WAPL: variants seen among roughly 807,000 people sequenced by gnomAD.
WAPL encodes the protein WAPL cohesin release factor.
WAPL carries 5 observed loss-of-function variants against 121.0 expected under a neutral mutation model. That is an observed-to-expected ratio of 0.04 (90% CI 0.02 to 0.09). The LOEUF is 0.09. WAPL is among the 10% of genes least tolerant of loss of function. The pLI is 1.00. For missense variants in WAPL, 999 were observed against 1,410.8 expected (o/e 0.71, Z 4.68); for synonymous variants, 480 against 481.5 (o/e 1.00, Z 0.04).
rs1841553797 is a variant in WAPL at position 86,472,423 on chromosome 10, T to C, written c.1894-79A>G. 3 of 1,538,902 alleles carry C rather than the reference T, an allele frequency of 1.9e-6. No homozygotes were observed. The Admixed American group carries it at 7.1e-5, about 36-fold the overall frequency. On this transcript the variant is annotated intron_variant, in intron 6 of 18. Coordinates refer to ENST00000298767, the MANE Select transcript of WAPL (RefSeq NM_015045.5). This position sits in a 1 kb window ranked among gnomAD's most constrained non-coding sequence, Gnocchi z 4.2. ...ATCTATGGGCTCACTGTACTTTACA[T>C]AAGTGCATAAAATAGTTCATTAGAT...
At chr10:86,484,643 A>C (rs1458033268) in intron 4 of WAPL, among the ~76,000 whole-genome samples, 3 of 152,140 alleles carry the variant, frequency 2.0e-5, no homozygotes, top group Non-Finnish European at 1.5e-5. Context: ...TCACTCACTG[A>C]CTCCCAAAGA....
rs1248415472 is a variant in WAPL at position 86,497,317 on chromosome 10, T to G, written c.1528A>C (p.Asn510His). The G allele has an allele frequency of 6.2e-7, 1 of 1,604,548 alleles. No individual in the cohort carries two copies. Among genetic ancestry groups the G allele is most frequent in the South Asian group, 1.1e-5 (1 of 88,606 alleles). ...DSQSGTNNAE[N>H]LDFTEDLPGV... The stretch of plus-strand genomic sequence containing the variant: ...GGCAAGTCCTCTGTAAAATCCAAGT[T>G]TTCTGAAATGGTAATCAAAACTATC... Residue 510 changes from asparagine (N) to histidine (H), a missense_variant and splice_region_variant, in exon 4 of 19, where the codon AAC becomes CAC. Around this residue, in one of 7 missense-constraint regions of WAPL, gnomAD observed 531 missense variants for 563.1 expected, o/e 0.94. Coordinates refer to ENST00000298767, the MANE Select transcript of WAPL (RefSeq NM_015045.5).
In WAPL at chr10:86,504,572, G is replaced by C. The variant is rs1267085063; in HGVS notation, c.500-3829C>G. 2.0e-5 allele frequency among the ~76,000 whole-genome samples: 3 copies of C among 150,272 alleles called. No individual in the cohort carries two copies. The East Asian group carries it at 6.1e-4, about 30-fold the overall frequency. ...CACACCTGTAGTCCAAGCTACTTGG[G>C]AGGCTGAGGCAGAAGAATCGCTTGA... On this transcript the variant is annotated intron_variant, in intron 2 of 18. Coordinates refer to ENST00000298767, the MANE Select transcript of WAPL (RefSeq NM_015045.5).
chr10:86,467,591 T>C (rs1184916311), intron 8 of WAPL, 85 bp from the exon 9 acceptor site: 5 of 1,036,976 alleles, frequency 4.8e-6, no homozygotes, highest in South Asian at 1.7e-5. Flanking sequence ...TTAATGACTT[T>C]TGTTTACAAG....
intron 4 of WAPL, among the ~76,000 whole-genome samples, chr10:86,480,895 C>A (rs1841767629): frequency 6.6e-6 from 1 of 152,200 alleles, no homozygotes; most frequent in Non-Finnish European, 1.5e-5. Context: ...TACCACCACA[C>A]AAGGGAAACT....
intron 13 of WAPL, among the ~76,000 whole-genome samples, 160 bp downstream of exon 13, chr10:86,453,496 A>G (rs1433624389): frequency 6.6e-6 from 1 of 152,234 alleles, no homozygotes; most frequent in African/African-American, 2.4e-5. Flanking sequence ...GCTTCTAAAA[A>G]TATCAACTCT....
chr10:86,504,976 A>T (rs1842316607), intron 2 of WAPL, among the ~76,000 whole-genome samples: 1 of 151,522 alleles, frequency 6.6e-6, no homozygotes, highest in Non-Finnish European at 1.5e-5. Context: ...TTTCCAATAA[A>T]TTTTATCTTT....
At chr10:86,491,072 AATAAATAAATACATAC>A (rs1038307999) in intron 4 of WAPL, among the ~76,000 whole-genome samples, 6 of 151,496 alleles carry the variant, frequency 4.0e-5, no homozygotes, top group African/African-American at 9.7e-5. Flanking sequence ...TAAATAAATA[AATAAATAAATACATAC>A]ATAAATAAAT....
intron 12 of WAPL, among the ~76,000 whole-genome samples, chr10:86,455,672 T>A (rs1216041643): frequency 1.4e-4 from 6 of 42,056 alleles, no homozygotes; most frequent in South Asian, 6.5e-4. Flanking sequence ...CCAAGAATGA[T>A]CAATAAATAC....
intron 2 of WAPL, among the ~76,000 whole-genome samples, chr10:86,501,874 AACAG>A (rs1842253815): frequency 6.6e-6 from 1 of 152,078 alleles, no homozygotes; most frequent in Admixed American, 6.5e-5. Flanking sequence ...CTTTTTATTT[AACAG>A]ACAGGGTCAC....
At position 86,500,570 on chromosome 10, in the gene WAPL, T is replaced by C. The variant is rs768685229; in HGVS notation, c.673A>G (p.Ile225Val). Reference sequence around the variant, plus strand: ...CTAACAGATCCCTTGATTGGAGATATTTCTGATGGTGATTCTGGCCTTTTC... The same window carrying C: ...CTAACAGATCCCTTGATTGGAGATACTTCTGATGGTGATTCTGGCCTTTTC... ...FGKRPESPSE[I>V]SPIKGSVRTG... is the part of the protein sequence containing the mutation. Residue 225 changes from isoleucine to valine, a missense_variant, in exon 3 of 19, where the codon ATA (isoleucine) becomes GTA (valine). Physicochemically the swap from Ile to Val is conservative, Grantham distance 29. Coordinates refer to ENST00000298767, the MANE Select transcript of WAPL (RefSeq NM_015045.5). 15 of 1,614,092 alleles carry C rather than the reference T, an allele frequency of 9.3e-6. No homozygotes were observed. The highest frequency in any genetic ancestry group is 1.1e-5 in the Non-Finnish European group (13 of 1,180,004).
chr10:86,462,203 A>G (rs1370948954), intron 9 of WAPL, among the ~76,000 whole-genome samples: 4 of 152,246 alleles, frequency 2.6e-5, no homozygotes, highest in Non-Finnish European at 5.9e-5. Context: ...CAGCATAACA[A>G]AAGAAATGCT....
chr10:86,481,557 G>A (rs1294112861), intron 4 of WAPL, among the ~76,000 whole-genome samples: 1 of 152,004 alleles, frequency 6.6e-6, no homozygotes, highest in African/African-American at 2.4e-5. Flanking sequence ...ATTTTTAGTA[G>A]AGACGGGGTT....
chr10:86,456,503 C>T (rs950905501), intron 12 of WAPL, among the ~76,000 whole-genome samples: 6 of 151,890 alleles, frequency 4.0e-5, no homozygotes, highest in African/African-American at 1.4e-4. Flanking sequence ...TTTAAATCAC[C>T]AAGTCCACGA....
chr10:86,467,913 C>A (rs924960539), intron 8 of WAPL, among the ~76,000 whole-genome samples: 1 of 151,744 alleles, frequency 6.6e-6, no homozygotes, highest in Non-Finnish European at 1.5e-5. Context: ...CTCCTGACTT[C>A]GTGATCCGCC....
At chr10:86,479,239 T>C (rs1366310008) in intron 4 of WAPL, among the ~76,000 whole-genome samples, 1 of 152,076 alleles carries the variant, frequency 6.6e-6, no homozygotes, top group African/African-American at 2.4e-5. Flanking sequence ...AAAAAAGGAA[T>C]GGGTTTCTTT....
chr10:86,488,560 G>A (rs917234468), intron 4 of WAPL: 1 of 152,242 alleles, frequency 6.6e-6, no homozygotes, highest in South Asian at 2.1e-4. Flanking sequence ...AAAATAGAAT[G>A]TAAGTAAGAA....
intron 12 of WAPL, among the ~76,000 whole-genome samples, chr10:86,454,985 A>AGC (rs1458429543): frequency 1.4e-5 from 2 of 146,874 alleles, no homozygotes; most frequent in Non-Finnish European, 3.0e-5. Context: ...GGAAGTGAGG[A>AGC]GCGTCTCCGC....
intron 2 of WAPL, among the ~76,000 whole-genome samples, chr10:86,515,864 CTTTTTTTTTT>C (rs377683656): frequency 4.0e-5 from 4 of 101,148 alleles, no homozygotes; most frequent in African/African-American, 1.2e-4. Flanking sequence ...CTGTCTATGC[CTTTTTTTTTT>C]TTTTTTTTTG....
Sources: gnomAD v4.1 joint callset for allele counts (sites outside exome capture counted in the v4.1 genomes callset) on GRCh38, gnomAD v4.1.1 for gene constraint, gnomAD v4.1.1 regional missense constraint, Gnocchi (gnomAD v3.1) non-coding constraint, MANE v1.5 for transcripts, NCBI Gene and HGNC (gene_info 2026-07-23, HGNC 2026-07-21) for gene names.